Variants in XNDC1N observed in about 807,000 individuals in gnomAD.
The protein encoded by XNDC1N is XRCC1 N-terminal domain containing 1, N-terminal like.
chr11:71,910,134 GTTCC>G, the XNDC1N span, among the ~76,000 whole-genome samples: 2 of 152,114 alleles, frequency 1.3e-5, no homozygotes, highest in African/African-American at 4.8e-5. Context: ...TGGAATTATT[GTTCC>G]TTGTCAGTCT....
the XNDC1N span, chr11:71,923,247 TC>T: frequency 1.4e-6 from 1 of 701,142 alleles, no homozygotes; most frequent in South Asian, 1.5e-5. Context: ...GAGCCAAGAC[TC>T]CTATTTTTTT....
the XNDC1N span, among the ~76,000 whole-genome samples, chr11:71,878,777 G>A: frequency 6.6e-6 from 1 of 151,934 alleles, no homozygotes; most frequent in African/African-American, 2.4e-5. Context: ...GGTGAGCTTG[G>A]GAGTTCTAGA....
At chr11:71,889,277 G>T in the XNDC1N span, among the ~76,000 whole-genome samples, 2 of 152,334 alleles carry the variant, frequency 1.3e-5, no homozygotes, top group African/African-American at 4.8e-5. Flanking sequence ...AAGAAATCTT[G>T]CAATGATTAG....
chr11:71,923,745 T>TG, the XNDC1N span, among the ~76,000 whole-genome samples: 1 of 152,002 alleles, frequency 6.6e-6, no homozygotes, highest in African/African-American at 2.4e-5. Context: ...TAAGTAGAGA[T>TG]GGAGTTTCAC....
At chr11:71,919,607 T>C in the XNDC1N span, among the ~76,000 whole-genome samples, 1 of 11,584 alleles carries the variant, frequency 8.6e-5, no homozygotes, top group Non-Finnish European at 4.2e-4. Context: ...CCAGGTTGGT[T>C]TTTTTTTTTG....
the XNDC1N span, among the ~76,000 whole-genome samples, chr11:71,885,645 G>A: frequency 6.6e-6 from 1 of 152,042 alleles, no homozygotes; most frequent in Non-Finnish European, 1.5e-5. Flanking sequence ...TATCACAGGT[G>A]GGTGTACACC....
At chr11:71,907,150 C>G in the XNDC1N span, among the ~76,000 whole-genome samples, 1 of 152,052 alleles carries the variant, frequency 6.6e-6, no homozygotes, top group Non-Finnish European at 1.5e-5. Context: ...TCAGGATTCA[C>G]GTTTCACCAC....
the XNDC1N span, among the ~76,000 whole-genome samples, chr11:71,891,343 A>AT: frequency 6.6e-6 from 1 of 151,892 alleles, no homozygotes; most frequent in Non-Finnish European, 1.5e-5. Flanking sequence ...AAATAGGAAG[A>AT]TTTTCACAGG....
chr11:71,875,622 A>T, the XNDC1N span, among the ~76,000 whole-genome samples: 1 of 152,180 alleles, frequency 6.6e-6, no homozygotes, highest in African/African-American at 2.4e-5. Flanking sequence ...AGGGAAAAGC[A>T]TTCATTAAAA....
chr11:71,880,505 C>T, the XNDC1N span, among the ~76,000 whole-genome samples: 5 of 152,128 alleles, frequency 3.3e-5, no homozygotes, highest in Non-Finnish European at 2.9e-5. Flanking sequence ...TTTTAAATCT[C>T]GAATTCACTT....
At chr11:71,906,763 G>A in the XNDC1N span, among the ~76,000 whole-genome samples, 13 of 152,144 alleles carry the variant, frequency 8.5e-5, no homozygotes, top group Non-Finnish European at 1.3e-4. Flanking sequence ...CCCGTGTGAC[G>A]TTAGGAGTCA....
chr11:71,916,133 C>T, the XNDC1N span: 1 of 702,952 alleles, frequency 1.4e-6, no homozygotes. Flanking sequence ...TCTAAGGAGT[C>T]CAGAGAAGAA....
the XNDC1N span, among the ~76,000 whole-genome samples, chr11:71,921,078 G>A: frequency 1.6e-3 from 245 of 151,914 alleles, 10 homozygotes; most frequent in East Asian, 0.046. Context: ...TCAAATCCCT[G>A]GGAGGATCAC....
the XNDC1N span, among the ~76,000 whole-genome samples, chr11:71,879,065 G>A: frequency 6.6e-6 from 1 of 151,990 alleles, no homozygotes; most frequent in Non-Finnish European, 1.5e-5. Flanking sequence ...ATGGTGAGAG[G>A]ATGCACACAG....
chr11:71,915,698 C>T, the XNDC1N span, among the ~76,000 whole-genome samples: 32 of 54,820 alleles, frequency 5.8e-4, no homozygotes, highest in African/African-American at 8.6e-4. Flanking sequence ...AGAAACTACA[C>T]GGGAGCTTTG....
chr11:71,873,409 A>G, the XNDC1N span, among the ~76,000 whole-genome samples: 2 of 152,192 alleles, frequency 1.3e-5, no homozygotes, highest in Admixed American at 6.5e-5. Flanking sequence ...ATCTCTATGT[A>G]TGAATTTGGG....
At chr11:71,899,980 A>T in the XNDC1N span, among the ~76,000 whole-genome samples, 14,300 of 109,498 alleles carry the variant, frequency 0.13, 70 homozygotes, top group Non-Finnish European at 0.15. Context: ...AGGCGAGACA[A>T]GTTTGCAGCA....
chr11:71,886,244 CTG>C, the XNDC1N span, among the ~76,000 whole-genome samples: 1 of 152,190 alleles, frequency 6.6e-6, no homozygotes, highest in South Asian at 2.1e-4. Flanking sequence ...TTGCTCCAAA[CTG>C]TTATCCAGAC....
chr11:71,894,694 T>G, the XNDC1N span, among the ~76,000 whole-genome samples: 1 of 152,242 alleles, frequency 6.6e-6, no homozygotes, highest in Non-Finnish European at 1.5e-5. Flanking sequence ...CAACCATCTT[T>G]TCATATACAC....
Sources: gnomAD v4.1 joint callset for allele counts (sites outside exome capture counted in the v4.1 genomes callset) on GRCh38, gnomAD v4.1.1 for gene constraint, MANE v1.5 for transcripts, NCBI Gene and HGNC (gene_info 2026-07-23, HGNC 2026-07-21) for gene names.